CAMK4: variants seen among roughly 807,000 people sequenced by gnomAD.
CAMK4 encodes the protein calcium/calmodulin-dependent protein kinase type IV.
In CAMK4, 22 loss-of-function variants were observed where a neutral mutation model predicts 44.9. That is an observed-to-expected ratio of 0.49 (90% CI 0.35 to 0.70). The LOEUF is 0.70. CAMK4 is among the 30% of genes least tolerant of loss of function. CAMK4 has a pLI of 0.01. For synonymous variants in CAMK4, 218 were observed against 215.4 expected (o/e 1.01, Z -0.11); for missense variants, 498 against 586.8 (o/e 0.85, Z 1.56).
chr5:111,367,341 C>T (rs1283691331), intron 2 of CAMK4, among the ~76,000 whole-genome samples: 1 of 151,810 alleles, frequency 6.6e-6, no homozygotes, highest in Non-Finnish European at 1.5e-5. Flanking sequence ...ATAAATCACT[C>T]ATGAGAGCAC....
chr5:111,312,158 C>T (rs529214907), intron 1 of CAMK4, among the ~76,000 whole-genome samples: 2 of 152,154 alleles, frequency 1.3e-5, no homozygotes, highest in South Asian at 4.2e-4. Flanking sequence ...TGCAACCTGG[C>T]CAAATGCTTT....
chr5:111,455,156 T>A (rs1473778135), intron 7 of CAMK4, among the ~76,000 whole-genome samples: 1 of 152,212 alleles, frequency 6.6e-6, no homozygotes, highest in Non-Finnish European at 1.5e-5. Flanking sequence ...GTGCTTCTAT[T>A]TAAGCCAAAA....
At chr5:111,301,869 T>C (rs1561395900) in intron 1 of CAMK4, among the ~76,000 whole-genome samples, 2 of 152,240 alleles carry the variant, frequency 1.3e-5, no homozygotes, top group Non-Finnish European at 2.9e-5. Context: ...GGTCATTTAT[T>C]CTCTCTACAG....
intron 1 of CAMK4, among the ~76,000 whole-genome samples, chr5:111,245,254 C>T (rs1749183247): frequency 6.6e-6 from 1 of 152,136 alleles, no homozygotes; most frequent in South Asian, 2.1e-4. Context: ...AATACATATT[C>T]TTCTCTTTTC....
rs572088327 is a variant in CAMK4, at chr5:111,271,040, C to T, written c.161+46396C>T. On this transcript the variant is annotated intron_variant, in intron 1 of 10. Transcript: ENST00000282356. The stretch of plus-strand genomic sequence containing the variant: ...AGACACTCATAAAACCATCAGATCA[C>T]GTGAGAACTCACTCACTATCACAAG... Among the ~76,000 whole-genome samples the T allele has an allele frequency of 1.3e-3, 196 of 152,226 alleles. 2 individuals carry two copies. The highest frequency in any genetic ancestry group is 3.4e-3 in the Middle Eastern group (1 of 294).
intron 1 of CAMK4, among the ~76,000 whole-genome samples, chr5:111,315,419 C>G (rs2112680265): frequency 6.6e-6 from 1 of 152,208 alleles, no homozygotes; most frequent in South Asian, 2.1e-4. Context: ...TTAATGATTT[C>G]TTGTCTCCCT....
intron 5 of CAMK4, among the ~76,000 whole-genome samples, chr5:111,411,547 C>G (rs534935016): frequency 6.6e-6 from 1 of 152,308 alleles, no homozygotes; most frequent in East Asian, 1.9e-4. Flanking sequence ...TGCATCCAAA[C>G]CACAACCTGA....
rs1368611562 is a variant in CAMK4, at chr5:111,355,833, C to T, written c.240+11731C>T. ...CATGTCCCTACAAAGGACATGAACT[C>T]ATCATTTTTTATGGCTGCATAGTAT... On this transcript the variant is annotated intron_variant, in intron 2 of 10. Coordinates refer to ENST00000282356, the MANE Select transcript of CAMK4 (RefSeq NM_001744.6). 4.8e-5 allele frequency among the ~76,000 whole-genome samples: 7 copies of T among 147,152 alleles called. No individual in the cohort carries two copies. The South Asian group carries it at 1.6e-3, about 34-fold the overall frequency.
intron 9 of CAMK4, chr5:111,481,996 A>G (rs1755450573): frequency 6.6e-6 from 1 of 152,200 alleles, no homozygotes; most frequent in Non-Finnish European, 1.5e-5. Context: ...AAAAGTGGCG[A>G]GTGGCATAAC....
chr5:111,391,853 C>G (rs1435526234), intron 4 of CAMK4, among the ~76,000 whole-genome samples: 1 of 152,156 alleles, frequency 6.6e-6, no homozygotes, highest in Non-Finnish European at 1.5e-5. Flanking sequence ...TGCCCACATT[C>G]ATGCAAAAAG....
chr5:111,407,504 G>A (rs1330134034), intron 5 of CAMK4, among the ~76,000 whole-genome samples: 2 of 152,030 alleles, frequency 1.3e-5, no homozygotes, highest in Non-Finnish European at 2.9e-5. Context: ...CAAGCTGTAA[G>A]GAAATAAGCT....
intron 1 of CAMK4, among the ~76,000 whole-genome samples, chr5:111,234,190 C>T (rs1748605454): frequency 6.6e-6 from 1 of 152,068 alleles, no homozygotes; most frequent in African/African-American, 2.4e-5. Flanking sequence ...TAACATTCTA[C>T]TTTATGAAAA....
chr5:111,236,807 G>A (rs1181452708), intron 1 of CAMK4, among the ~76,000 whole-genome samples: 5 of 152,296 alleles, frequency 3.3e-5, no homozygotes, highest in South Asian at 4.1e-4. Flanking sequence ...ATTGGGCAGA[G>A]GAACCCCATA....
At chr5:111,299,604 T>A (rs1156990419) in intron 1 of CAMK4, among the ~76,000 whole-genome samples, 1 of 152,234 alleles carries the variant, frequency 6.6e-6, no homozygotes, top group Non-Finnish European at 1.5e-5. Flanking sequence ...ATTGAATATA[T>A]TTTGAATATA....
intron 4 of CAMK4, among the ~76,000 whole-genome samples, chr5:111,379,857 C>CA (rs1354314202): frequency 6.6e-6 from 1 of 151,914 alleles, no homozygotes; most frequent in Non-Finnish European, 1.5e-5. Flanking sequence ...TAAACATAGT[C>CA]AAAATCCAAG....
At chr5:111,414,997 G>A (rs1752767089) in intron 5 of CAMK4, among the ~76,000 whole-genome samples, 1 of 152,086 alleles carries the variant, frequency 6.6e-6, no homozygotes, top group Non-Finnish European at 1.5e-5. Context: ...AATTCATCTG[G>A]AAGAATAGTC....
chr5:111,357,891 A>G (rs1009827644), intron 2 of CAMK4: 8 of 152,202 alleles, frequency 5.3e-5, no homozygotes, highest in Admixed American at 5.2e-4. Flanking sequence ...GAGAAGTGTC[A>G]TGTTCAAAAT....
Position 111,478,531 on chromosome 5 carries a change from A to C in CAMK4, c.828+24A>C, listed in dbSNP as rs1215433029. ...TGGTAAGTGTAACCAAAACAAAATG[A>C]AACAAAATGAAATAAATTTATTTTT... On this transcript the variant is annotated intron_variant, in intron 9 of 10. Transcript: ENST00000282356. The C allele has an allele frequency of 4.5e-6, 6 of 1,326,858 alleles. No homozygotes were observed. The African/African-American group carries it at 9.0e-5, about 20-fold the overall frequency. The allele number at this position is 1,326,858 out of a possible 1,614,324, so 82.2% of individuals were successfully genotyped here. A position where few individuals can be genotyped will look rare whatever the true frequency, so the allele number is the denominator to read the frequency against.
At chr5:111,369,202 A>T (rs1750911574) in intron 2 of CAMK4, among the ~76,000 whole-genome samples, 1 of 151,714 alleles carries the variant, frequency 6.6e-6, no homozygotes. Flanking sequence ...AGTGGCTGGG[A>T]TTACAGGCAT....
Sources: gnomAD v4.1 joint callset for allele counts (sites outside exome capture counted in the v4.1 genomes callset) on GRCh38, gnomAD v4.1.1 for gene constraint, MANE v1.5 for transcripts, NCBI Gene and HGNC (gene_info 2026-07-23, HGNC 2026-07-21) for gene names.